The following CTPS2 variants were observed in gnomAD, a reference collection of about 807,000 sequenced individuals.
CTPS2 encodes CTP synthase 2, also known as CTP synthase II.
In CTPS2, 19 loss-of-function variants were observed where a neutral mutation model predicts 46.8. The observed-to-expected ratio is 0.41, with a 90% CI of 0.28 to 0.60. The LOEUF is 0.60. Ranked by LOEUF, CTPS2 falls within the 20% of genes least tolerant of loss-of-function variation. CTPS2 has a pLI of 0.35. For synonymous variants in CTPS2, 151 were observed against 165.2 expected (o/e 0.91, Z 0.66); for missense variants, 286 against 447.6 (o/e 0.64, Z 3.26).
chrX:16,699,433 C>T (rs1924383453), intron 2 of CTPS2, among the ~76,000 whole-genome samples: 1 of 112,328 alleles, frequency 8.9e-6, no homozygotes, highest in Non-Finnish European at 1.9e-5. Context: ...GTATCCTGGA[C>T]TCTGGAACTG....
chrX:16,709,732 T>G (rs59373014), intron 1 of CTPS2, among the ~76,000 whole-genome samples: 2 of 103,568 alleles, frequency 1.9e-5, no homozygotes, highest in African/African-American at 7.1e-5. Flanking sequence ...ACCTGTAGTC[T>G]CAGGTACTCG....
intron 17 of CTPS2, among the ~76,000 whole-genome samples, chrX:16,601,987 T>C (rs1484526243): frequency 1.8e-5 from 2 of 110,807 alleles, no homozygotes; most frequent in Admixed American, 1.9e-4. Context: ...TGGCAGAAAA[T>C]AGACAAAAGA....
intron 14 of CTPS2, among the ~76,000 whole-genome samples, chrX:16,633,087 T>G (rs1473020913): frequency 1.0e-5 from 1 of 96,900 alleles, no homozygotes; most frequent in African/African-American, 4.3e-5. Flanking sequence ...TTCTTTTGTT[T>G]TTTTTTTTTT....
intron 14 of CTPS2, among the ~76,000 whole-genome samples, chrX:16,631,675 A>G (rs1931479196): frequency 8.9e-6 from 1 of 112,062 alleles, no homozygotes; most frequent in South Asian, 3.7e-4. Flanking sequence ...CATTCAACAC[A>G]AAGTCTTGCC....
At chrX:16,605,367 C>T (rs762255103) in intron 17 of CTPS2, among the ~76,000 whole-genome samples, 3 of 111,648 alleles carry the variant, frequency 2.7e-5, no homozygotes, top group African/African-American at 9.8e-5. Flanking sequence ...TTTCTCCAGA[C>T]TCCACTTATC....
At chrX:16,672,781 C>CCT in intron 10 of CTPS2, among the ~76,000 whole-genome samples, 1 of 102,906 alleles carries the variant, frequency 9.7e-6, no homozygotes, top group African/African-American at 3.5e-5. Flanking sequence ...AGACTTCTGG[C>CCT]CTCTCTCTCT....
chrX:16,620,364 G>A (rs1452147950), intron 14 of CTPS2, 32 bp from the exon 15 acceptor site: 1 of 1,080,845 alleles, frequency 9.3e-7, no homozygotes, highest in Admixed American at 2.2e-5. Context: ...ATTAATATTA[G>A]AGTAAGCAGC....
chrX:16,682,438 T>C (rs1922822946), intron 9 of CTPS2, among the ~76,000 whole-genome samples: 1 of 111,557 alleles, frequency 9.0e-6, no homozygotes, highest in African/African-American at 3.3e-5. Context: ...TGGGCCGAGA[T>C]CATGCCACTG....
intron 17 of CTPS2, 82 bp downstream of exon 17, chrX:16,609,459 G>T: frequency 1.1e-6 from 1 of 950,039 alleles, no homozygotes; most frequent in Non-Finnish European, 1.5e-6. Flanking sequence ...AAATTCTATA[G>T]TGGTATTAAT....
chrX:16,690,819 A>G (rs1923630535), intron 7 of CTPS2, among the ~76,000 whole-genome samples: 1 of 112,445 alleles, frequency 8.9e-6, no homozygotes, highest in Admixed American at 9.5e-5. Flanking sequence ...TTCTGTACCA[A>G]TGAAGTCAAC....
At chrX:16,596,764 G>A (rs1291762489) in intron 17 of CTPS2, among the ~76,000 whole-genome samples, 6 of 105,397 alleles carry the variant, frequency 5.7e-5, no homozygotes, top group East Asian at 3.0e-4. Flanking sequence ...CTGAGGAATC[G>A]CCACACTGAC....
At chrX:16,711,937 C>T (rs1208575111) in intron 1 of CTPS2, 1 of 110,912 alleles carries the variant, frequency 9.0e-6, no homozygotes, top group Non-Finnish European at 1.9e-5. Flanking sequence ...TCGCAGACCC[C>T]CGCTCGGGGC....
chrX:16,607,934 G>T (rs1207952504), intron 17 of CTPS2, among the ~76,000 whole-genome samples: 1 of 113,183 alleles, frequency 8.8e-6, no homozygotes, highest in East Asian at 2.8e-4. Flanking sequence ...ATTTTGGCGG[G>T]ACACGGAGGC....
Position 16,652,975 on chromosome X carries a change from G to A in CTPS2, c.1297-13732C>T, listed in dbSNP as rs183535907. Reference sequence around the variant, plus strand: ...CTAAGTGTTTTTGTAGGAATCTTAGGGGTTAAAATATATCTTCCATAGAGA... The same window carrying A: ...CTAAGTGTTTTTGTAGGAATCTTAGAGGTTAAAATATATCTTCCATAGAGA... On this transcript the variant is annotated intron_variant, in intron 13 of 18. Coordinates refer to ENST00000359276, the MANE Select transcript of CTPS2 (RefSeq NM_175859.3). Among the ~76,000 whole-genome samples, 388 of 111,137 alleles carry A rather than the reference G, an allele frequency of 3.5e-3. 3 individuals carry two copies. Among genetic ancestry groups the A allele is most frequent in the African/African-American group, 0.012 (377 of 30,652 alleles).
rs188636701 is a variant in CTPS2, at chrX:16,621,761, A to C, written c.1394-1429T>G. 3.2e-4 allele frequency among the ~76,000 whole-genome samples: 36 copies of C among 111,917 alleles called. No individual in the cohort carries two copies. The East Asian group carries it at 9.9e-3, about 31-fold the overall frequency. ...CAGGATGTTTCAACCAAGAAAAACC[A>C]AATAAATGCTTTCTTTGCATCTTGT... On this transcript the variant is annotated intron_variant, in intron 14 of 18. Transcript: ENST00000359276.
chrX:16,638,612 GAGTGGAAAGATC>G (rs996396757), intron 14 of CTPS2: 3 of 155,466 alleles, frequency 1.9e-5, no homozygotes, highest in Middle Eastern at 2.4e-3. Context: ...ACCTTATGGG[GAGTGGAAAGATC>G]AGCAAATATC....
At chrX:16,657,142 C>T (rs1049816245) in intron 13 of CTPS2, among the ~76,000 whole-genome samples, 12 of 105,249 alleles carry the variant, frequency 1.1e-4, no homozygotes, top group African/African-American at 4.2e-4. Context: ...CACCCACCTT[C>T]GTCTCCCAAA....
chrX:16,618,089 C>G (rs181280455), intron 15 of CTPS2, among the ~76,000 whole-genome samples: 295 of 111,427 alleles, frequency 2.6e-3, no homozygotes, highest in African/African-American at 9.0e-3. Context: ...ACCTCATCCC[C>G]CAACCCCCCA....
At chrX:16,631,524 TAAAG>T (rs1282674200) in intron 14 of CTPS2, among the ~76,000 whole-genome samples, 1 of 110,823 alleles carries the variant, frequency 9.0e-6, no homozygotes, top group Non-Finnish European at 1.9e-5. Context: ...GTCTCTAAAA[TAAAG>T]AAATAAATAA....
Sources: gnomAD v4.1 joint callset for allele counts (sites outside exome capture counted in the v4.1 genomes callset) on GRCh38, gnomAD v4.1.1 for gene constraint, MANE v1.5 for transcripts, NCBI Gene and HGNC (gene_info 2026-07-23, HGNC 2026-07-21) for gene names.